The following PDE1C variants were observed in gnomAD, a reference collection of about 807,000 sequenced individuals.
PDE1C encodes the protein phosphodiesterase 1C.
PDE1C carries 62 observed loss-of-function variants against 93.1 expected under a neutral mutation model. The observed-to-expected ratio is 0.67, with a 90% CI of 0.54 to 0.82. PDE1C has a LOEUF of 0.82. Among genes scored for constraint, PDE1C ranks in the 40% least tolerant of loss-of-function variants. The probability of loss-of-function intolerance (pLI) is 0.00; values close to 1 mark genes in which losing one functional copy is unlikely to be tolerated. For synonymous variants in PDE1C, 325 were observed against 310.1 expected, an observed-to-expected ratio of 1.05 and a Z score of -0.50; for missense variants, 742 against 884.6, an observed-to-expected ratio of 0.84 and a Z score of 2.04.
intron 1 of PDE1C, among the ~76,000 whole-genome samples, chr7:32,346,975 T>C (rs1783864648): frequency 1.3e-5 from 2 of 152,202 alleles, no homozygotes; most frequent in Non-Finnish European, 1.5e-5. Flanking sequence ...ACTTTTAGGG[T>C]AACGGAAGTA....
chr7:32,399,901 A>C (rs1300072807), intron 1 of PDE1C, among the ~76,000 whole-genome samples: 1 of 152,052 alleles, frequency 6.6e-6, no homozygotes, highest in Non-Finnish European at 1.5e-5. Flanking sequence ...ATTTAACCTT[A>C]ATTACCTCCT....
At chr7:32,090,451 T>C (rs1290911330) in intron 3 of PDE1C, among the ~76,000 whole-genome samples, 2 of 152,178 alleles carry the variant, frequency 1.3e-5, no homozygotes, top group Non-Finnish European at 2.9e-5. Context: ...GACCTTGACA[T>C]GCGCGGGCTT....
intron 3 of PDE1C, among the ~76,000 whole-genome samples, chr7:32,158,089 TCA>T (rs1391826511): frequency 6.6e-6 from 1 of 152,190 alleles, no homozygotes; most frequent in Non-Finnish European, 1.5e-5. Context: ...CAGGTCCCCT[TCA>T]CACACAGTTT....
At chr7:32,298,445 C>G (rs1812766853) in intron 1 of PDE1C, among the ~76,000 whole-genome samples, 1 of 152,126 alleles carries the variant, frequency 6.6e-6, no homozygotes, top group African/African-American at 2.4e-5. Flanking sequence ...CGGGTCGGAG[C>G]CCGCGAGGGG....
At chr7:32,406,352 TC>T (rs1429260086) in intron 1 of PDE1C, among the ~76,000 whole-genome samples, 1 of 152,074 alleles carries the variant, frequency 6.6e-6, no homozygotes, top group Non-Finnish European at 1.5e-5. Flanking sequence ...CCAATACAAT[TC>T]ACTCAGGTAC....
chr7:32,309,058 G>T (rs1385149651), intron 1 of PDE1C, among the ~76,000 whole-genome samples: 5 of 117,120 alleles, frequency 4.3e-5, no homozygotes, highest in African/African-American at 1.6e-4. Flanking sequence ...CCTTAAAGGA[G>T]CTGATGGAGC....
At chr7:32,209,574 T>G in intron 1 of PDE1C, 2 of 1,518,574 alleles carry the variant, frequency 1.3e-6, no homozygotes, top group South Asian at 2.4e-5. Context: ...TTTAAATAAA[T>G]AAAGCAATGT....
intron 2 of PDE1C, among the ~76,000 whole-genome samples, chr7:31,911,839 G>A (rs772033425): frequency 5.3e-5 from 8 of 152,144 alleles, no homozygotes; most frequent in Admixed American, 1.3e-4. Context: ...ATCTCAACCA[G>A]CCACTGAGAT....
intron 5 of PDE1C, among the ~76,000 whole-genome samples, chr7:31,875,820 T>TATATATATATAC (rs1796496067): frequency 1.1e-5 from 1 of 87,198 alleles, no homozygotes. Flanking sequence ...TATATATATA[T>TATATATATATAC]ATATATATAT....
At chr7:32,027,182 T>C (rs1038953662) in intron 2 of PDE1C, among the ~76,000 whole-genome samples, 5 of 152,136 alleles carry the variant, frequency 3.3e-5, no homozygotes, top group Admixed American at 2.0e-4. Flanking sequence ...GAGAATGATC[T>C]GTCAATGTAG....
intron 1 of PDE1C, among the ~76,000 whole-genome samples, chr7:32,051,900 T>A (rs1793432764): frequency 1.3e-5 from 2 of 152,148 alleles, no homozygotes; most frequent in Admixed American, 6.5e-5. Context: ...AAAATCTAGG[T>A]TCAAACCTCA....
At chr7:31,903,241 G>A (rs1206575022) in intron 2 of PDE1C, among the ~76,000 whole-genome samples, 1 of 151,822 alleles carries the variant, frequency 6.6e-6, no homozygotes, top group Non-Finnish European at 1.5e-5. Context: ...GGAGTCATGG[G>A]ATACTACATA....
In PDE1C at chr7:31,855,085, A is replaced by AAC. The variant is rs1201689246; in HGVS notation, c.751-4345_751-4344insGT. Among the ~76,000 whole-genome samples the AAC allele has an allele frequency of 1.3e-3, 194 of 151,820 alleles. 2 individuals carry two copies. Among genetic ancestry groups the AAC allele is most frequent in the African/African-American group, 4.5e-3 (186 of 41,358 alleles). ...CCCTCTGTCTAAAAAAAAAAAAAAA[A>AAC]AAAAAACTTCCGTTTATTGGCACGC... is the stretch of plus-strand genomic sequence containing the variant. On this transcript the variant is annotated intron_variant, in intron 7 of 17. Transcript: ENST00000396191.
At chr7:32,289,566 A>G (rs1812207361) in intron 1 of PDE1C, among the ~76,000 whole-genome samples, 1 of 152,238 alleles carries the variant, frequency 6.6e-6, no homozygotes, top group Admixed American at 6.5e-5. Context: ...CTAAAAGCCA[A>G]TATTTCTGAG....
intron 2 of PDE1C, among the ~76,000 whole-genome samples, chr7:31,940,242 C>T (rs1805634087): frequency 6.6e-6 from 1 of 152,172 alleles, no homozygotes; most frequent in African/African-American, 2.4e-5. Context: ...CCTTCTAGCC[C>T]TACCCAACCA....
At chr7:32,388,084 T>C (rs1416295438) in intron 1 of PDE1C, among the ~76,000 whole-genome samples, 1 of 152,238 alleles carries the variant, frequency 6.6e-6, no homozygotes, top group Non-Finnish European at 1.5e-5. Context: ...TGGAGAAATA[T>C]CAAAATCACA....
intron 2 of PDE1C, among the ~76,000 whole-genome samples, chr7:31,943,963 G>A (rs1563075293): frequency 6.6e-6 from 1 of 152,026 alleles, no homozygotes; most frequent in Non-Finnish European, 1.5e-5. Flanking sequence ...ATTTGTTGAC[G>A]CCCCTAGTCT....
chr7:32,109,865 A>G (rs190298168), intron 3 of PDE1C, among the ~76,000 whole-genome samples: 14 of 152,260 alleles, frequency 9.2e-5, no homozygotes, highest in African/African-American at 3.4e-4. Flanking sequence ...CTGAGAAGCT[A>G]TTATTTTAAA....
intron 1 of PDE1C, among the ~76,000 whole-genome samples, chr7:32,424,288 T>A (rs1050980301): frequency 1.3e-5 from 2 of 152,218 alleles, no homozygotes; most frequent in Non-Finnish European, 2.9e-5. Flanking sequence ...AGCAGTTAAA[T>A]TTCCATGAGA....
Sources: gnomAD v4.1 joint callset for allele counts (sites outside exome capture counted in the v4.1 genomes callset) on GRCh38, gnomAD v4.1.1 for gene constraint, MANE v1.5 for transcripts, NCBI Gene and HGNC (gene_info 2026-07-23, HGNC 2026-07-21) for gene names.